Variants in KALRN observed in about 807,000 individuals in gnomAD.
KALRN encodes the protein kalirin.
A neutral mutation model predicts 353.7 loss-of-function variants in KALRN; 70 were observed. The ratio of observed to expected loss-of-function variants is 0.20; its 90% CI spans 0.16 to 0.24. The LOEUF (loss-of-function observed/expected upper bound fraction) is 0.24, where lower values mean the gene tolerates loss of function less well. KALRN is among the 10% of genes least tolerant of loss of function. KALRN has a pLI of 1.00. For missense variants in KALRN, 2,791 were observed against 3,756.7 expected (o/e 0.74, Z 6.72); for synonymous variants, 1,391 against 1,434.8 (o/e 0.97, Z 0.69).
At chr3:124,631,807 C>T (rs887029509) in intron 34 of KALRN, among the ~76,000 whole-genome samples, 8 of 152,356 alleles carry the variant, frequency 5.3e-5, no homozygotes, top group Middle Eastern at 3.4e-3. Flanking sequence ...TGGCTTACCA[C>T]ATGCTTGTTG....
intron 21 of KALRN, among the ~76,000 whole-genome samples, chr3:124,451,145 A>G (rs2058740182): frequency 6.6e-6 from 1 of 152,178 alleles, no homozygotes; most frequent in South Asian, 2.1e-4. Context: ...CAAGAAGACA[A>G]AATCTTAAAG....
chr3:124,505,044 G>A, intron 33 of KALRN: 1 of 468,830 alleles, frequency 2.1e-6, no homozygotes, highest in Non-Finnish European at 4.4e-6. Context: ...CTTGGAGCCT[G>A]CAGGTAGAGA....
At chr3:124,227,690 T>G (rs1319964723) in intron 1 of KALRN, among the ~76,000 whole-genome samples, 15 of 60,530 alleles carry the variant, frequency 2.5e-4, no homozygotes, top group East Asian at 6.2e-4. Flanking sequence ...TTTTTTTTTT[T>G]TTTTTTTTTT....
At chr3:124,268,661 C>A in intron 4 of KALRN, 82 bp from the exon 5 acceptor site, 3 of 1,423,256 alleles carry the variant, frequency 2.1e-6, no homozygotes, top group Non-Finnish European at 2.9e-6. Flanking sequence ...GTGGATTTAT[C>A]TTGTCCTTTC....
At chr3:124,176,931 T>C (rs922512665) in intron 1 of KALRN, among the ~76,000 whole-genome samples, 1 of 152,180 alleles carries the variant, frequency 6.6e-6, no homozygotes, top group African/African-American at 2.4e-5. Flanking sequence ...CTATTCGCAA[T>C]GCAAAGGAGA....
chr3:124,440,210 C>G (rs1227502791), intron 18 of KALRN, among the ~76,000 whole-genome samples: 1 of 151,938 alleles, frequency 6.6e-6, no homozygotes, highest in Non-Finnish European at 1.5e-5. Context: ...TATTACAAAG[C>G]AAATTTTAAA....
At chr3:124,629,899 T>C (rs186209195) in intron 34 of KALRN, among the ~76,000 whole-genome samples, 1 of 152,180 alleles carries the variant, frequency 6.6e-6, no homozygotes, top group Non-Finnish European at 1.5e-5. Flanking sequence ...AAAATCTGTC[T>C]TATATATCTT....
intron 31 of KALRN, 102 bp downstream of exon 31, chr3:124,491,526 C>A: frequency 2.7e-6 from 2 of 728,606 alleles, no homozygotes; most frequent in Non-Finnish European, 4.1e-6. Context: ...CTCTACTGAG[C>A]CATGGGCCTC....
In KALRN at chr3:124,381,497, C is replaced by G. The variant is rs185731506; in HGVS notation, c.1771-3348C>G. ...TGATTGGGTCTGAATTTTAGAAACT[C>G]TTTTCTACTAGTAATGGGGAAGAGA... On this transcript the variant is annotated intron_variant, in intron 10 of 59. Transcript: ENST00000682506. Among the ~76,000 whole-genome samples the G allele has an allele frequency of 4.4e-3, 675 of 152,246 alleles. 21 individuals are homozygous for G. Among genetic ancestry groups the G allele is most frequent in the Admixed American group, 0.034 (521 of 15,286 alleles).
intron 5 of KALRN, among the ~76,000 whole-genome samples, chr3:124,283,785 T>C (rs191206572): frequency 1.7e-4 from 25 of 150,870 alleles, no homozygotes; most frequent in Non-Finnish European, 1.5e-5. Context: ...TGTGTGCTTC[T>C]CCAGACAGCT....
At chr3:124,696,746 A>G (rs1445731720) in intron 54 of KALRN, among the ~76,000 whole-genome samples, 3 of 152,198 alleles carry the variant, frequency 2.0e-5, no homozygotes, top group Non-Finnish European at 2.9e-5. Context: ...AGTGGCATTA[A>G]GTACATCCAC....
intron 6 of KALRN, among the ~76,000 whole-genome samples, chr3:124,325,087 C>T (rs1254945185): frequency 6.6e-6 from 1 of 152,166 alleles, no homozygotes; most frequent in Non-Finnish European, 1.5e-5. Flanking sequence ...TTTCTTTTGT[C>T]TCGTTCCTTC....
chr3:124,538,524 T>C (rs144746923), intron 33 of KALRN, among the ~76,000 whole-genome samples: 101 of 152,268 alleles, frequency 6.6e-4, no homozygotes, highest in African/African-American at 2.4e-3. Flanking sequence ...TAATTTTCCA[T>C]AGAGAAACTT....
At chr3:124,504,877 G>T in intron 33 of KALRN, 1 of 495,058 alleles carries the variant, frequency 2.0e-6, no homozygotes, top group Non-Finnish European at 4.2e-6. Context: ...GGTGGAAGGA[G>T]AAAGCAAATC....
At chr3:124,213,569 T>A (rs1029715975) in intron 1 of KALRN, among the ~76,000 whole-genome samples, 11 of 152,310 alleles carry the variant, frequency 7.2e-5, no homozygotes, top group African/African-American at 2.6e-4. Context: ...TGAAAATCCC[T>A]TTGGCACATA....
chr3:124,513,554 A>G (rs2066190639), intron 33 of KALRN, among the ~76,000 whole-genome samples: 1 of 152,172 alleles, frequency 6.6e-6, no homozygotes, highest in South Asian at 2.1e-4. Flanking sequence ...CTCCTCTCCC[A>G]CAGTCTAAGG....
chr3:124,649,437 G>T (rs1022143684), intron 37 of KALRN, among the ~76,000 whole-genome samples: 9 of 152,100 alleles, frequency 5.9e-5, no homozygotes, highest in Middle Eastern at 3.2e-3. Flanking sequence ...AAATGAAACT[G>T]TTTCTGTTAG....
intron 55 of KALRN, among the ~76,000 whole-genome samples, chr3:124,698,654 C>T (rs1424370152): frequency 1.3e-5 from 2 of 152,130 alleles, no homozygotes; most frequent in African/African-American, 4.8e-5. Context: ...GCACTAGAAC[C>T]CAGATGTCTA....
At chr3:124,233,168 T>C (rs1468267942) in intron 2 of KALRN, among the ~76,000 whole-genome samples, 1 of 152,006 alleles carries the variant, frequency 6.6e-6, no homozygotes, top group Non-Finnish European at 1.5e-5. Context: ...TCTACTTGTA[T>C]AATGTCCAAG....
Sources: allele counts gnomAD v4.1 joint callset (sites outside exome capture counted in the v4.1 genomes callset), GRCh38; gene constraint gnomAD v4.1.1; transcripts MANE v1.5; gene names NCBI Gene and HGNC (gene_info 2026-07-23, HGNC 2026-07-21).